The following MAP3K20 variants were observed in gnomAD, a reference collection of about 807,000 sequenced individuals.
The protein encoded by MAP3K20 is HCCS-4.
In MAP3K20, 40 loss-of-function variants were observed where a neutral mutation model predicts 85.7. The ratio of observed to expected loss-of-function variants is 0.47; its 90% CI spans 0.36 to 0.61. The LOEUF is 0.61. Ranked by LOEUF, MAP3K20 falls within the 20% of genes least tolerant of loss-of-function variation. MAP3K20 has a pLI of 0.00. For missense variants in MAP3K20, 817 were observed against 961.7 expected, an observed-to-expected ratio of 0.85 and a Z score of 1.99; for synonymous variants, 325 against 327.7, an observed-to-expected ratio of 0.99 and a Z score of 0.09.
chr2:173,203,964 A>C (rs548944591), intron 9 of MAP3K20, 94 bp downstream of exon 9: 2 of 1,185,688 alleles, frequency 1.7e-6, no homozygotes, highest in Non-Finnish European at 2.5e-6. Flanking sequence ...AATTCATTAC[A>C]AAGCAAAGCT....
chr2:173,261,868 G>T (rs1245275435), intron 18 of MAP3K20, among the ~76,000 whole-genome samples: 1 of 151,834 alleles, frequency 6.6e-6, no homozygotes, highest in Admixed American at 6.6e-5. Flanking sequence ...AATACAAAAA[G>T]TAGCCAGGTG....
At chr2:173,171,684 C>A (rs975850640) in intron 3 of MAP3K20, among the ~76,000 whole-genome samples, 3 of 152,128 alleles carry the variant, frequency 2.0e-5, no homozygotes, top group African/African-American at 7.2e-5. Context: ...TTCATTCATC[C>A]CTTTAGCATT....
intron 2 of MAP3K20, among the ~76,000 whole-genome samples, chr2:173,162,857 GCTGAGA>G (rs1374374082): frequency 1.3e-5 from 2 of 152,090 alleles, no homozygotes; most frequent in Non-Finnish European, 2.9e-5. Flanking sequence ...CATGGACCCC[GCTGAGA>G]CACAATCTTG....
chr2:173,223,869 G>A, intron 11 of MAP3K20: 1 of 985,472 alleles, frequency 1.0e-6, no homozygotes. Context: ...GAGCAGAAGG[G>A]AGGGCTTGGG....
At chr2:173,096,507 T>C (rs938920878) in intron 2 of MAP3K20, among the ~76,000 whole-genome samples, 10 of 152,134 alleles carry the variant, frequency 6.6e-5, no homozygotes, top group African/African-American at 1.9e-4. Flanking sequence ...GCCTGGGTAA[T>C]TTTTTGTAGT....
intron 3 of MAP3K20, among the ~76,000 whole-genome samples, chr2:173,177,443 A>ATTTTTTTTTTTTTTT (rs71403359): frequency 7.9e-6 from 1 of 126,606 alleles, no homozygotes; most frequent in Non-Finnish European, 1.6e-5. Flanking sequence ...ATCACAATAG[A>ATTTTTTTTTTTTTTT]TTTTTTTTTT....
intron 14 of MAP3K20, among the ~76,000 whole-genome samples, chr2:173,233,741 T>C (rs1158812861): frequency 1.3e-5 from 2 of 152,182 alleles, no homozygotes; most frequent in Non-Finnish European, 2.9e-5. Context: ...CAGTGACCTT[T>C]CTAGAGAAAT....
chr2:173,122,561 C>T (rs969968042), intron 2 of MAP3K20, among the ~76,000 whole-genome samples: 1 of 152,120 alleles, frequency 6.6e-6, no homozygotes, highest in African/African-American at 2.4e-5. Context: ...CTGGCCTTCC[C>T]TTCAAAGGGT....
chr2:173,125,988 T>G (rs1011663569), intron 2 of MAP3K20, among the ~76,000 whole-genome samples: 2 of 152,106 alleles, frequency 1.3e-5, no homozygotes, highest in African/African-American at 4.8e-5. Flanking sequence ...TTGTATGATA[T>G]ATACTCTTCC....
chr2:173,149,664 A>C (rs1689243661), intron 2 of MAP3K20, among the ~76,000 whole-genome samples: 1 of 152,092 alleles, frequency 6.6e-6, no homozygotes, highest in Non-Finnish European at 1.5e-5. Context: ...TTGCATTCTT[A>C]CCTGAGTGCT....
chr2:173,225,220 C>A, intron 11 of MAP3K20: 3 of 848,938 alleles, frequency 3.5e-6, no homozygotes, highest in Non-Finnish European at 4.3e-6. Context: ...GTTGTCACAG[C>A]AACTGGGGTG....
At chr2:173,143,635 A>G (rs1395006211) in intron 2 of MAP3K20, among the ~76,000 whole-genome samples, 1 of 152,244 alleles carries the variant, frequency 6.6e-6, no homozygotes, top group African/African-American at 2.4e-5. Context: ...ATCTGCTCTC[A>G]TGATTTCTGT....
chr2:173,080,880 C>T (rs150464462), intron 1 of MAP3K20, among the ~76,000 whole-genome samples: 2 of 152,126 alleles, frequency 1.3e-5, no homozygotes, highest in Admixed American at 1.3e-4. Flanking sequence ...ACCCTTCTTT[C>T]TGGACTCATC....
chr2:173,251,421 A>ATTATT (rs1380579463), intron 16 of MAP3K20, among the ~76,000 whole-genome samples: 1 of 152,192 alleles, frequency 6.6e-6, no homozygotes, highest in East Asian at 1.9e-4. Flanking sequence ...AAGCCAAATG[A>ATTATT]CCTGGCTACA....
At chr2:173,183,402 A>T (rs1039361472) in intron 4 of MAP3K20, among the ~76,000 whole-genome samples, 2 of 152,082 alleles carry the variant, frequency 1.3e-5, no homozygotes, top group African/African-American at 4.8e-5. Flanking sequence ...TGCAAAAAAA[A>T]TTTTTATTTG....
At chr2:173,109,500 A>G (rs1358273202) in intron 2 of MAP3K20, among the ~76,000 whole-genome samples, 1 of 151,268 alleles carries the variant, frequency 6.6e-6, no homozygotes, top group Admixed American at 6.6e-5. Flanking sequence ...TGTTTGTTTT[A>G]GTAAACCCAT....
intron 2 of MAP3K20, among the ~76,000 whole-genome samples, chr2:173,146,754 C>T (rs1689149599): frequency 6.6e-6 from 1 of 152,190 alleles, no homozygotes; most frequent in Non-Finnish European, 1.5e-5. Context: ...CACATGGTAA[C>T]TCTTTAATTC....
At chr2:173,220,600 T>C (rs917949968) in intron 11 of MAP3K20, among the ~76,000 whole-genome samples, 7 of 152,192 alleles carry the variant, frequency 4.6e-5, no homozygotes, top group Admixed American at 6.5e-5. Flanking sequence ...TCTAGACTAA[T>C]TTTTAGTGTA....
At chr2:173,177,968 T>C (rs1690213400) in intron 3 of MAP3K20, among the ~76,000 whole-genome samples, 1 of 151,808 alleles carries the variant, frequency 6.6e-6, no homozygotes, top group Non-Finnish European at 1.5e-5. Context: ...TGAAAGGAAA[T>C]AATAAAGATT....
Sources: allele counts gnomAD v4.1 joint callset (sites outside exome capture counted in the v4.1 genomes callset), GRCh38; gene constraint gnomAD v4.1.1; transcripts MANE v1.5; gene names NCBI Gene and HGNC (gene_info 2026-07-23, HGNC 2026-07-21).